GALNT16: variants seen among roughly 807,000 people sequenced by gnomAD.
GALNT16 encodes UDP-GalNAc:polypeptide N-acetylgalactosaminyltransferase-like protein 1.
In GALNT16, 40 loss-of-function variants were observed where a neutral mutation model predicts 76.1. The observed-to-expected ratio is 0.53, with a 90% CI of 0.41 to 0.68. The LOEUF is 0.68. Among genes scored for constraint, GALNT16 ranks in the 30% least tolerant of loss-of-function variants. GALNT16 has a pLI of 0.00. For missense variants in GALNT16, 621 were observed against 731.9 expected, an observed-to-expected ratio of 0.85 and a Z score of 1.75; for synonymous variants, 276 against 285.2, an observed-to-expected ratio of 0.97 and a Z score of 0.32.
In GALNT16 at chr14:69,333,561, T is replaced by A; in HGVS notation, c.928T>A (p.Tyr310Asn). 1 of 1,604,836 alleles carries A rather than the reference T, an allele frequency of 6.2e-7. No homozygotes were observed. The highest frequency in any genetic ancestry group is 8.5e-7 in the Non-Finnish European group (1 of 1,175,008). Residue 310 changes from tyrosine (Y) to asparagine (N), a missense_variant, in exon 9 of 15, where the codon TAT becomes AAT. Coordinates refer to ENST00000448469, the MANE Select transcript of GALNT16 (RefSeq NM_001168368.2). The surrounding 1 kb of genome is among the most constrained non-coding windows in gnomAD (Gnocchi z 4.2). ...GTCCTGGTTTAACCACTTGGGAAAGTATGATGCCCAGATGGACATCTGGGG... is the reference window on the plus strand; with the variant it reads ...GTCCTGGTTTAACCACTTGGGAAAGAATGATGCCCAGATGGACATCTGGGG... Reference protein sequence around the residue: ...DKSWFNHLGKYDAQMDIWGGE... With the variant: ...DKSWFNHLGKNDAQMDIWGGE...
Position 69,261,508 on chromosome 14 carries a change from AGAG to A in GALNT16, c.177+1045_177+1047del, listed in dbSNP as rs891189143. Among the ~76,000 whole-genome samples, 5 of 150,698 alleles carry A rather than the reference AGAG, an allele frequency of 3.3e-5. No individual in the cohort carries two copies. Among genetic ancestry groups the A allele is most frequent in the Non-Finnish European group, 5.9e-5 (4 of 67,734 alleles). ...CAGCCTGGCCGGATGAGGACCAGGA[AGAG>A]GAGAGCCGAGTGGGGCGGGGGTAAA... On this transcript the variant is annotated intron_variant, in intron 1 of 14. Transcript: ENST00000448469. The surrounding 1 kb of genome is among the most constrained non-coding windows in gnomAD (Gnocchi z 6.4).
intron 1 of GALNT16, among the ~76,000 whole-genome samples, chr14:69,296,092 G>A (rs964509746): frequency 5.3e-5 from 8 of 152,180 alleles, no homozygotes; most frequent in African/African-American, 1.9e-4. Context: ...TCTGCTTCTG[G>A]AGAGGCCTCA....
the GALNT16 span, among the ~76,000 whole-genome samples, chr14:69,362,489 C>A: frequency 1.3e-5 from 2 of 152,224 alleles, no homozygotes; most frequent in African/African-American, 4.8e-5. Context: ...TCAGTTATTT[C>A]TTGGCTGGTT....
intron 1 of GALNT16, among the ~76,000 whole-genome samples, chr14:69,277,821 C>T (rs1473326032): frequency 1.3e-5 from 2 of 152,192 alleles, no homozygotes; most frequent in African/African-American, 2.4e-5. Flanking sequence ...AATGGTTGAA[C>T]TAGTTTACAG....
chr14:69,331,321 G>T, intron 6 of GALNT16, 143 bp from the exon 7 acceptor site: 1 of 645,710 alleles, frequency 1.5e-6, no homozygotes, highest in East Asian at 2.6e-5. Context: ...AGCCTGCCAG[G>T]GTTGAGGGGT....
chr14:69,289,778 G>A (rs1049838370), intron 1 of GALNT16, among the ~76,000 whole-genome samples: 2 of 152,080 alleles, frequency 1.3e-5, no homozygotes, highest in Non-Finnish European at 2.9e-5. Flanking sequence ...TCACTCTGTC[G>A]CCCAGGCTGG....
chr14:69,377,269 T>C, the GALNT16 span, among the ~76,000 whole-genome samples: 5 of 152,226 alleles, frequency 3.3e-5, no homozygotes, highest in Non-Finnish European at 7.3e-5. Context: ...TCAAGGTCTT[T>C]GAGGTTAAAA....
chr14:69,316,778 G>GGGGT (rs2045107653), intron 1 of GALNT16, among the ~76,000 whole-genome samples: 1 of 126,302 alleles, frequency 7.9e-6, no homozygotes, highest in African/African-American at 2.9e-5. Flanking sequence ...AGTCTGTGAG[G>GGGGT]GGGGGGGGCA....
chr14:69,325,283 A>G (rs1225091769), intron 3 of GALNT16, 54 bp from the exon 4 acceptor site: 4 of 1,143,142 alleles, frequency 3.5e-6, no homozygotes, highest in African/African-American at 3.0e-5. Flanking sequence ...AGTGGTAAAA[A>G]TGGGAGGTGG....
At chr14:69,313,021 T>C (rs1280340574) in intron 1 of GALNT16, among the ~76,000 whole-genome samples, 1 of 152,196 alleles carries the variant, frequency 6.6e-6, no homozygotes, top group Non-Finnish European at 1.5e-5. Flanking sequence ...GGGCATACTA[T>C]TGTACCTCTA....
At chr14:69,322,979 TGTGCGCGCGCACGCGCGCACGCATGC>T (rs2045220978) in intron 2 of GALNT16, among the ~76,000 whole-genome samples, 1 of 31,744 alleles carries the variant, frequency 3.2e-5, no homozygotes, top group African/African-American at 2.9e-4. Context: ...TGTGTGTGTG[TGTGCGCGCGCACGCGCGCACGCATGC>T]ACACGTGTAG....
intron 1 of GALNT16, among the ~76,000 whole-genome samples, chr14:69,298,070 A>G (rs1195182941): frequency 6.6e-6 from 1 of 152,202 alleles, no homozygotes; most frequent in Non-Finnish European, 1.5e-5. Flanking sequence ...CATCTATGCA[A>G]CTTCAAAATC....
chr14:69,341,618 A>T (rs1404009073), intron 11 of GALNT16, 63 bp from the exon 12 acceptor site: 6 of 1,085,850 alleles, frequency 5.5e-6, no homozygotes, highest in Non-Finnish European at 8.4e-6. Flanking sequence ...GGCCTCTGGC[A>T]TCCTCCCTCG....
chr14:69,385,674 T>G, the GALNT16 span, among the ~76,000 whole-genome samples: 2 of 148,020 alleles, frequency 1.4e-5, no homozygotes, highest in Admixed American at 1.3e-4. Flanking sequence ...AAAGCAAGCC[T>G]GTAATGGCCA....
chr14:69,324,652 G>T lies in GALNT16; in HGVS notation c.336-40G>T, dbSNP rs1456553348. On this transcript the variant is annotated intron_variant, in intron 2 of 14. Transcript: ENST00000448469. ...AAAAACATTGACCTGCCCTGAGGAT[G>T]CCCTCATGGCTGGCTCTGACCTCTG... 4.5e-6 allele frequency: 5 copies of T among 1,101,122 alleles called. No homozygotes were observed. In the East Asian group the frequency reaches 9.5e-5, roughly 21 times the overall value. The allele number at this position is 1,101,122 out of a possible 1,614,324, so 68.2% of individuals were successfully genotyped here. A position where few individuals can be genotyped will look rare whatever the true frequency, so the allele number is the denominator to read the frequency against.
At chr14:69,285,358 T>C (rs183523838) in intron 1 of GALNT16, among the ~76,000 whole-genome samples, 16 of 152,250 alleles carry the variant, frequency 1.1e-4, no homozygotes, top group Admixed American at 6.5e-4. Context: ...GAGAATGGAC[T>C]AACACAGGGA....
At chr14:69,346,194 A>C (rs527936181) in intron 12 of GALNT16, among the ~76,000 whole-genome samples, 9 of 152,232 alleles carry the variant, frequency 5.9e-5, no homozygotes, top group Admixed American at 2.6e-4. Flanking sequence ...ATGCCCAGCC[A>C]TAAGTCATTT....
chr14:69,339,631 C>T lies in GALNT16; in HGVS notation c.1187+12C>T. On this transcript the variant is annotated intron_variant, in intron 11 of 14. Coordinates refer to ENST00000448469, the MANE Select transcript of GALNT16 (RefSeq NM_001168368.2). ...AAGGCCTTCGGCAGGTGGGCCCCCC[C>T]AGCTCCACTGTCTGACTCCCTCTAC... is the stretch of plus-strand genomic sequence containing the variant. The T allele has an allele frequency of 6.5e-7, 1 of 1,529,210 alleles. No individual in the cohort carries two copies. Among genetic ancestry groups the T allele is most frequent in the Non-Finnish European group, 9.0e-7 (1 of 1,110,304 alleles). 94.7% of individuals were successfully genotyped at this position (1,529,210 alleles called of 1,614,324 possible). A position where few individuals can be genotyped will look rare whatever the true frequency, so the allele number is the denominator to read the frequency against.
chr14:69,287,519 C>G (rs372262740), intron 1 of GALNT16, among the ~76,000 whole-genome samples: 9 of 152,218 alleles, frequency 5.9e-5, no homozygotes, highest in South Asian at 4.1e-4. Flanking sequence ...CAACTGCTCC[C>G]GTAGCCTGAG....
Sources: gnomAD v4.1 joint callset for allele counts (sites outside exome capture counted in the v4.1 genomes callset) on GRCh38, gnomAD v4.1.1 for gene constraint, Gnocchi (gnomAD v3.1) non-coding constraint, MANE v1.5 for transcripts, NCBI Gene and HGNC (gene_info 2026-07-23, HGNC 2026-07-21) for gene names.